The following ARHGAP6 variants were observed in gnomAD, a reference collection of about 807,000 sequenced individuals.
ARHGAP6 encodes the protein Rho GTPase activating protein 6.
Under a neutral mutation model 55.7 loss-of-function variants are expected in ARHGAP6, and 16 were observed. The observed-to-expected ratio is 0.29, with a 90% CI of 0.19 to 0.44. The LOEUF (loss-of-function observed/expected upper bound fraction) is 0.44, where lower values mean the gene tolerates loss of function less well. Among genes scored for constraint, ARHGAP6 ranks in the 20% least tolerant of loss-of-function variants. The pLI, the probability that ARHGAP6 is intolerant of heterozygous loss-of-function variation, is 1.00. For synonymous variants in ARHGAP6, 382 were observed against 360.9 expected (o/e 1.06, Z -0.66); for missense variants, 698 against 808.9 (o/e 0.86, Z 1.66).
chrX:11,243,943 A>C, intron 2 of ARHGAP6, among the ~76,000 whole-genome samples: 1 of 111,710 alleles, frequency 9.0e-6, no homozygotes, highest in Non-Finnish European at 1.9e-5. Context: ...AGGTTTGTGT[A>C]AGTATACTCT....
intron 1 of ARHGAP6, chrX:11,294,930 T>A: frequency 1.0e-6 from 1 of 980,275 alleles, no homozygotes; most frequent in Non-Finnish European, 1.5e-6. Context: ...AATTAGGGTT[T>A]AAAACAGTAT....
rs139276385 is a variant in ARHGAP6 at position 11,537,117 on chromosome X, A to G, written c.588+127124T>C. On this transcript the variant is annotated intron_variant, in intron 1 of 12. Coordinates refer to ENST00000337414, the MANE Select transcript of ARHGAP6 (RefSeq NM_013427.3). Reference sequence around the variant, plus strand: ...TGGCATATACCCATCTAGAATAAATATTAGATAACCCAGCCTATTTACAAT... The same window carrying G: ...TGGCATATACCCATCTAGAATAAATGTTAGATAACCCAGCCTATTTACAAT... 4.9e-3 allele frequency among the ~76,000 whole-genome samples: 552 copies of G among 112,498 alleles called. 4 individuals carry two copies. The highest frequency in any genetic ancestry group is 0.017 in the African/African-American group (527 of 30,995).
chrX:11,480,118 G>A (rs1488858242), intron 1 of ARHGAP6, among the ~76,000 whole-genome samples: 1 of 111,583 alleles, frequency 9.0e-6, no homozygotes, highest in Non-Finnish European at 1.9e-5. Context: ...TTCCCTGCCC[G>A]TTTTGCCTAT....
intron 1 of ARHGAP6, among the ~76,000 whole-genome samples, chrX:11,307,775 CT>C (rs1254746108): frequency 2.7e-5 from 3 of 111,493 alleles, no homozygotes; most frequent in East Asian, 2.8e-4. Context: ...GCTTTTGTGG[CT>C]TTTTTTTCCC....
chrX:11,416,916 T>G (rs765494099), intron 1 of ARHGAP6, among the ~76,000 whole-genome samples: 2 of 106,893 alleles, frequency 1.9e-5, no homozygotes, highest in Non-Finnish European at 3.9e-5. Context: ...GTGTGCCGCA[T>G]TTACGCAGGA....
chrX:11,204,057 C>G (rs1322767446), intron 2 of ARHGAP6, among the ~76,000 whole-genome samples: 2 of 111,663 alleles, frequency 1.8e-5, no homozygotes, highest in Non-Finnish European at 3.8e-5. Context: ...GATATAAACT[C>G]TGTGTGTGTG....
At chrX:11,414,852 G>T (rs1424113033) in intron 1 of ARHGAP6, among the ~76,000 whole-genome samples, 1 of 111,635 alleles carries the variant, frequency 9.0e-6, no homozygotes, top group African/African-American at 3.3e-5. Context: ...TCTTTTAAAA[G>T]TGATACTAGT....
chrX:11,174,692 A>C (rs903149154), intron 8 of ARHGAP6, among the ~76,000 whole-genome samples: 2 of 52,265 alleles, frequency 3.8e-5, no homozygotes, highest in Non-Finnish European at 7.5e-5. Context: ...TCTTTCATTC[A>C]TTTATTTATT....
At chrX:11,506,266 G>T (rs182982508) in intron 1 of ARHGAP6, among the ~76,000 whole-genome samples, 80 of 111,001 alleles carry the variant, frequency 7.2e-4, no homozygotes, top group Non-Finnish European at 1.3e-3. Flanking sequence ...TATACTTTAA[G>T]TTCTAGGGTA....
intron 1 of ARHGAP6, among the ~76,000 whole-genome samples, chrX:11,558,151 G>T (rs898209419): frequency 8.9e-5 from 10 of 111,875 alleles, no homozygotes; most frequent in Non-Finnish European, 1.9e-5. Flanking sequence ...ACGATACTTA[G>T]AGAGGAGCTG....
intron 1 of ARHGAP6, among the ~76,000 whole-genome samples, chrX:11,535,628 C>T (rs2051096670): frequency 9.0e-6 from 1 of 111,315 alleles, no homozygotes; most frequent in African/African-American, 3.3e-5. Context: ...TATTTTTTCC[C>T]CATATTCCAT....
At chrX:11,329,132 CT>C (rs2147631091) in intron 1 of ARHGAP6, among the ~76,000 whole-genome samples, 1 of 111,976 alleles carries the variant, frequency 8.9e-6, no homozygotes, top group African/African-American at 3.2e-5. Context: ...GAATTTCAAA[CT>C]TTAATAATAA....
chrX:11,236,685 T>C (rs896128866), intron 2 of ARHGAP6, among the ~76,000 whole-genome samples: 5 of 112,426 alleles, frequency 4.4e-5, no homozygotes, highest in African/African-American at 1.3e-4. Flanking sequence ...ACACGATCCA[T>C]TGGGATAGCA....
At chrX:11,279,911 T>C (rs999164286) in intron 1 of ARHGAP6, among the ~76,000 whole-genome samples, 2 of 111,616 alleles carry the variant, frequency 1.8e-5, no homozygotes, top group African/African-American at 6.5e-5. Flanking sequence ...TAATCTGATT[T>C]AGAGCTGGGG....
chrX:11,438,925 C>T (rs943477346), intron 1 of ARHGAP6, among the ~76,000 whole-genome samples: 7 of 112,377 alleles, frequency 6.2e-5, no homozygotes, highest in South Asian at 3.7e-4. Context: ...TGAAAGTGCA[C>T]GAGTTGAAAT....
chrX:11,513,178 T>C (rs1043536049), intron 1 of ARHGAP6, among the ~76,000 whole-genome samples: 4 of 111,461 alleles, frequency 3.6e-5, no homozygotes, highest in East Asian at 2.8e-4. Flanking sequence ...TCTTATCTAA[T>C]GGTTTAGGGC....
intron 1 of ARHGAP6, among the ~76,000 whole-genome samples, chrX:11,578,344 T>TA (rs1224994431): frequency 6.0e-4 from 66 of 110,455 alleles, no homozygotes; most frequent in South Asian, 1.1e-3. Flanking sequence ...TTTCATGATT[T>TA]AAAAAAAAAC....
intron 1 of ARHGAP6, among the ~76,000 whole-genome samples, chrX:11,398,242 T>C (rs182691115): frequency 1.1e-5 from 1 of 91,533 alleles, no homozygotes; most frequent in Admixed American, 1.3e-4. Context: ...TGTTAAATAG[T>C]AAGGACTGCG....
intron 2 of ARHGAP6, among the ~76,000 whole-genome samples, chrX:11,244,123 A>G (rs770305799): frequency 1.3e-4 from 15 of 112,592 alleles, no homozygotes; most frequent in Non-Finnish European, 2.4e-4. Context: ...TAATGAAGAA[A>G]TTGAAATGAA....
Sources: gnomAD v4.1 joint callset for allele counts (sites outside exome capture counted in the v4.1 genomes callset) on GRCh38, gnomAD v4.1.1 for gene constraint, MANE v1.5 for transcripts, NCBI Gene and HGNC (gene_info 2026-07-23, HGNC 2026-07-21) for gene names.